Variants in IMMP2L observed in about 807,000 individuals in gnomAD.
IMMP2L encodes mitochondrial inner membrane protease subunit 2.
Under a neutral mutation model 19.3 loss-of-function variants are expected in IMMP2L, and 18 were observed. The observed-to-expected ratio is 0.93, with a 90% CI of 0.64 to 1.38. The LOEUF (loss-of-function observed/expected upper bound fraction) is 1.38, where lower values mean the gene tolerates loss of function less well. Ranked by LOEUF, IMMP2L falls within the 40% of genes most tolerant of loss-of-function variation. The pLI is 0.00. For synonymous variants in IMMP2L, 76 were observed against 73.0 expected, an observed-to-expected ratio of 1.04 and a Z score of -0.21; for missense variants, 233 against 218.2, an observed-to-expected ratio of 1.07 and a Z score of -0.43.
intron 5 of IMMP2L, among the ~76,000 whole-genome samples, chr7:110,701,517 TTC>T (rs1205900060): frequency 2.0e-5 from 3 of 152,066 alleles, no homozygotes; most frequent in Non-Finnish European, 4.4e-5. Context: ...GCCTCCCAGG[TTC>T]GAGCGATTCT....
intron 4 of IMMP2L, among the ~76,000 whole-genome samples, chr7:110,894,592 T>A (rs1382287518): frequency 1.3e-5 from 2 of 152,236 alleles, no homozygotes; most frequent in South Asian, 2.1e-4. Flanking sequence ...TAAGAATTCT[T>A]TATATAATCT....
At chr7:110,883,695 C>A (rs571432233) in intron 5 of IMMP2L, among the ~76,000 whole-genome samples, 2 of 152,180 alleles carry the variant, frequency 1.3e-5, no homozygotes, top group Non-Finnish European at 2.9e-5. Flanking sequence ...AAAAGTTCTT[C>A]TTCTAATGTC....
At chr7:111,078,611 C>T (rs1191549320) in intron 3 of IMMP2L, among the ~76,000 whole-genome samples, 1 of 152,096 alleles carries the variant, frequency 6.6e-6, no homozygotes, top group East Asian at 1.9e-4. Flanking sequence ...CAAAGTATAC[C>T]AAAGTGGTAT....
chr7:111,512,425 TAA>T (rs1226886458), intron 2 of IMMP2L, among the ~76,000 whole-genome samples: 1 of 152,054 alleles, frequency 6.6e-6, no homozygotes, highest in African/African-American at 2.4e-5. Context: ...GAAAATATTT[TAA>T]AACCGGGTTA....
At chr7:111,205,567 C>A (rs1810609226) in intron 3 of IMMP2L, among the ~76,000 whole-genome samples, 1 of 152,060 alleles carries the variant, frequency 6.6e-6, no homozygotes, top group South Asian at 2.1e-4. Flanking sequence ...CTCCTTCCAA[C>A]TTTACCTCTT....
At chr7:111,114,133 TACAC>T (rs71151831) in intron 3 of IMMP2L, among the ~76,000 whole-genome samples, 234 of 146,644 alleles carry the variant, frequency 1.6e-3, no homozygotes, top group East Asian at 2.6e-3. Context: ...CACATAAATC[TACAC>T]ACACACACAC....
At chr7:111,342,556 C>A (rs747667296) in intron 3 of IMMP2L, among the ~76,000 whole-genome samples, 46 of 152,110 alleles carry the variant, frequency 3.0e-4, no homozygotes, top group Non-Finnish European at 5.1e-4. Context: ...CTCAACACTG[C>A]ACTCCAGTCT....
At chr7:111,049,087 T>A (rs922383688) in intron 3 of IMMP2L, among the ~76,000 whole-genome samples, 10 of 151,400 alleles carry the variant, frequency 6.6e-5, no homozygotes, top group Admixed American at 3.9e-4. Context: ...CTGCTCTGTT[T>A]AAGCTTAGGG....
chr7:110,967,273 C>T (rs190831617), intron 3 of IMMP2L, among the ~76,000 whole-genome samples: 7 of 151,822 alleles, frequency 4.6e-5, no homozygotes, highest in Admixed American at 1.3e-4. Flanking sequence ...TTTTATGTTC[C>T]CAAAAAGTTA....
chr7:110,878,844 T>C (rs1181826566), intron 5 of IMMP2L, among the ~76,000 whole-genome samples: 4 of 152,184 alleles, frequency 2.6e-5, no homozygotes, highest in African/African-American at 9.6e-5. Context: ...CTCAAGTGTG[T>C]AATAATAATT....
chr7:111,217,122 TCTCTCACACACACACACACA>T (rs1812021498), intron 3 of IMMP2L, among the ~76,000 whole-genome samples: 3 of 140,396 alleles, frequency 2.1e-5, no homozygotes, highest in African/African-American at 8.4e-5. Flanking sequence ...TCTCTCTCTC[TCTCTCACACACACACACACA>T]CACACACACA....
chr7:111,370,351 T>C (rs1830157286), intron 3 of IMMP2L, among the ~76,000 whole-genome samples: 1 of 152,002 alleles, frequency 6.6e-6, no homozygotes, highest in Non-Finnish European at 1.5e-5. Flanking sequence ...CCTATTGATA[T>C]TGAATGTGTT....
Position 110,893,048 on chromosome 7 carries a change from C to T in IMMP2L, c.306-6353G>A, listed in dbSNP as rs972428356. Among the ~76,000 whole-genome samples, 3 of 152,106 alleles carry T rather than the reference C, an allele frequency of 2.0e-5. No homozygotes were observed. The East Asian group carries it at 5.8e-4, about 29-fold the overall frequency. ...TATTGTCGGTTCAATTGCAGACCAC[C>T]TCAATCAATAAATAAAGCAATATTG... On this transcript the variant is annotated intron_variant, in intron 4 of 5. Transcript: ENST00000405709.
At chr7:110,898,495 C>A (rs1050929260) in intron 4 of IMMP2L, among the ~76,000 whole-genome samples, 1 of 152,126 alleles carries the variant, frequency 6.6e-6, no homozygotes, top group East Asian at 1.9e-4. Flanking sequence ...AAAATAATCA[C>A]TTTTGTTTAA....
At chr7:111,459,886 T>C (rs893137272) in intron 3 of IMMP2L, among the ~76,000 whole-genome samples, 2 of 152,104 alleles carry the variant, frequency 1.3e-5, no homozygotes, top group African/African-American at 2.4e-5. Context: ...ATAAAGGAAA[T>C]TGCTAAAGTC....
chr7:111,261,530 T>C (rs17158443), intron 3 of IMMP2L, among the ~76,000 whole-genome samples: 4,095 of 152,180 alleles, frequency 0.027, 194 homozygotes, highest in African/African-American at 0.093. Context: ...AAATTACCAA[T>C]GTCTTGAACA....
intron 3 of IMMP2L, among the ~76,000 whole-genome samples, chr7:111,008,560 T>C (rs1016809413): frequency 6.6e-6 from 1 of 152,026 alleles, no homozygotes; most frequent in Non-Finnish European, 1.5e-5. Context: ...ATGATACTTA[T>C]ATATATGGCC....
intron 3 of IMMP2L, among the ~76,000 whole-genome samples, chr7:111,252,384 G>T (rs576493602): frequency 2.6e-5 from 4 of 152,162 alleles, no homozygotes; most frequent in African/African-American, 9.7e-5. Flanking sequence ...GAATTAGGCA[G>T]TATAAAACGA....
At chr7:111,500,640 C>T (rs1016374922) in intron 2 of IMMP2L, among the ~76,000 whole-genome samples, 20 of 152,238 alleles carry the variant, frequency 1.3e-4, no homozygotes, top group Middle Eastern at 3.4e-3. Flanking sequence ...GGAGCATTTG[C>T]GGATCACCAA....
Sources: allele counts gnomAD v4.1 joint callset (sites outside exome capture counted in the v4.1 genomes callset), GRCh38; gene constraint gnomAD v4.1.1; transcripts MANE v1.5; gene names NCBI Gene and HGNC (gene_info 2026-07-23, HGNC 2026-07-21).